Variants in CRACR2A observed in about 807,000 individuals in gnomAD.
CRACR2A encodes the protein EF-hand calcium-binding domain-containing protein 4B.
A neutral mutation model predicts 90.5 loss-of-function variants in CRACR2A; 79 were observed. That is an observed-to-expected ratio of 0.87 (90% CI 0.73 to 1.05). The LOEUF (loss-of-function observed/expected upper bound fraction) is 1.05. Ranked by LOEUF, CRACR2A falls within the 50% of genes least tolerant of loss-of-function variation. The pLI, the probability that CRACR2A is intolerant of heterozygous loss-of-function variation, is 0.00. For synonymous variants in CRACR2A, 338 were observed against 356.7 expected (o/e 0.95, Z 0.59); for missense variants, 823 against 897.2 (o/e 0.92, Z 1.06).
chr12:3,707,785 G>A (rs1244873225), intron 3 of CRACR2A, among the ~76,000 whole-genome samples: 1 of 152,206 alleles, frequency 6.6e-6, no homozygotes, highest in African/African-American at 2.4e-5. Flanking sequence ...GGAAGAGAGA[G>A]ATGTAATAAT....
chr12:3,670,176 G>A (rs1196422101), intron 7 of CRACR2A, among the ~76,000 whole-genome samples: 2 of 152,192 alleles, frequency 1.3e-5, no homozygotes, highest in Admixed American at 1.3e-4. Context: ...CACACAGACT[G>A]TGTTCCGCCT....
chr12:3,680,409 T>C, intron 4 of CRACR2A, 60 bp from the exon 5 acceptor site: 1 of 1,450,754 alleles, frequency 6.9e-7, no homozygotes, highest in Non-Finnish European at 9.7e-7. Flanking sequence ...GGAGGTGACC[T>C]GGGACTGCAG....
intron 3 of CRACR2A, among the ~76,000 whole-genome samples, chr12:3,712,767 T>C (rs1946025223): frequency 6.6e-6 from 1 of 152,154 alleles, no homozygotes; most frequent in Non-Finnish European, 1.5e-5. Context: ...ACAGTGATGC[T>C]GTACACCAAA....
chr12:3,700,806 A>T (rs1380234768), intron 3 of CRACR2A, among the ~76,000 whole-genome samples: 1 of 152,212 alleles, frequency 6.6e-6, no homozygotes. Context: ...TTATAAAACA[A>T]GTAGACAGAA....
Position 3,678,986 on chromosome 12 carries a change from G to A in CRACR2A, c.453C>T (p.Asp151=). The A allele has an allele frequency of 1.2e-6, 2 of 1,614,052 alleles. No homozygotes were observed. The highest frequency in any genetic ancestry group is 1.1e-5 in the South Asian group (1 of 91,056). Residue 151 remains aspartate, a synonymous_variant, in exon 6 of 20, where the codon GAC becomes GAT. Transcript: ENST00000440314. ...YLSRGDEDLG[D]MGEDEEAQFR... ...ACTGGGCTTCCTCATCTTCGCCCAT[G>A]TCGCCCAGATCCTCATCCCCTCTGG...
At chr12:3,616,015 T>G (rs1254727277) in intron 19 of CRACR2A, among the ~76,000 whole-genome samples, 2 of 152,230 alleles carry the variant, frequency 1.3e-5, no homozygotes, top group Non-Finnish European at 2.9e-5. Flanking sequence ...TTCCAAACGC[T>G]TTTGCGTTAC....
At chr12:3,682,115 A>G (rs1945466350) in intron 4 of CRACR2A, among the ~76,000 whole-genome samples, 1 of 152,252 alleles carries the variant, frequency 6.6e-6, no homozygotes. Context: ...ATTGGAAATA[A>G]GAAGCATCAC....
intron 3 of CRACR2A, among the ~76,000 whole-genome samples, chr12:3,701,453 C>A (rs1945832552): frequency 6.6e-6 from 1 of 152,062 alleles, no homozygotes; most frequent in African/African-American, 2.4e-5. Context: ...AGAGACAAGA[C>A]ACAAATTACA....
At chr12:3,723,325 C>T (rs1409006140) in intron 2 of CRACR2A, among the ~76,000 whole-genome samples, 7 of 152,144 alleles carry the variant, frequency 4.6e-5, no homozygotes, top group Non-Finnish European at 1.0e-4. Flanking sequence ...GGTGCTTGCT[C>T]TCTGGAGGAC....
rs995136982 is a variant in CRACR2A, at chr12:3,746,070, C to A, written c.-387+6945G>T. On this transcript the variant is annotated intron_variant, in intron 1 of 19. Coordinates refer to ENST00000440314, the MANE Select transcript of CRACR2A (RefSeq NM_001144958.2). This position sits in a 1 kb window ranked among gnomAD's most constrained non-coding sequence, Gnocchi z 4.4. The stretch of plus-strand genomic sequence containing the variant: ...TGCTGTAAATGCTTCCCAGCCTGGG[C>A]TGTACTTCTAGGTGCAGCTCAAATC... Among the ~76,000 whole-genome samples the A allele has an allele frequency of 8.5e-5, 13 of 152,170 alleles. No homozygotes were observed. Among genetic ancestry groups the A allele is most frequent in the Admixed American group, 5.2e-4 (8 of 15,276 alleles).
intron 10 of CRACR2A, among the ~76,000 whole-genome samples, chr12:3,649,230 CAAT>C (rs1944751800): frequency 8.0e-6 from 1 of 125,270 alleles, no homozygotes; most frequent in Non-Finnish European, 1.6e-5. Context: ...TAAAGTATAA[CAAT>C]AATAAGATAA....
At chr12:3,661,476 C>A (rs1336867749) in intron 7 of CRACR2A, among the ~76,000 whole-genome samples, 1 of 152,222 alleles carries the variant, frequency 6.6e-6, no homozygotes, top group African/African-American at 2.4e-5. Flanking sequence ...ATGGATACGT[C>A]CTGCATCCCT....
intron 2 of CRACR2A, among the ~76,000 whole-genome samples, chr12:3,720,419 G>GAA (rs1235394435): frequency 1.6e-4 from 12 of 74,420 alleles, no homozygotes; most frequent in African/African-American, 6.3e-4. Flanking sequence ...GAGAGAGGAA[G>GAA]AAAGAAAGAA....
At chr12:3,638,531 T>C (rs1225634062) in intron 13 of CRACR2A, 77 bp from the exon 14 acceptor site, 1 of 1,428,846 alleles carries the variant, frequency 7.0e-7, no homozygotes, top group Non-Finnish European at 9.3e-7. Context: ...ACAGCTTTTG[T>C]GACGAACAGA....
At chr12:3,676,256 A>G (rs896144518) in intron 6 of CRACR2A, among the ~76,000 whole-genome samples, 2 of 152,192 alleles carry the variant, frequency 1.3e-5, no homozygotes, top group African/African-American at 4.8e-5. Context: ...TCTCAGAATG[A>G]GTTCCATTCC....
chr12:3,624,234 C>G (rs745789563), intron 17 of CRACR2A, among the ~76,000 whole-genome samples: 5 of 152,190 alleles, frequency 3.3e-5, no homozygotes, highest in Admixed American at 1.3e-4. Context: ...GAACAGCTGG[C>G]CACCATTCAC....
chr12:3,616,809 C>T (rs989530248), intron 19 of CRACR2A, 145 bp downstream of exon 19: 6 of 625,610 alleles, frequency 9.6e-6, no homozygotes, highest in Middle Eastern at 2.7e-4. Context: ...CCCAGGACCC[C>T]GTTGCCTATA....
intron 12 of CRACR2A, among the ~76,000 whole-genome samples, chr12:3,642,500 C>G (rs11062749): frequency 0.43 from 65,682 of 152,098 alleles, 14,647 homozygotes; most frequent in Admixed American, 0.56. Context: ...CAGGAGTGAG[C>G]CACCACGCCT....
At chr12:3,623,282 G>C (rs374970560) in intron 17 of CRACR2A, among the ~76,000 whole-genome samples, 1 of 152,020 alleles carries the variant, frequency 6.6e-6, no homozygotes, top group African/African-American at 2.4e-5. Flanking sequence ...TAATCTCCAC[G>C]TTTTTTTCCA....
Sources: gnomAD v4.1 joint callset for allele counts (sites outside exome capture counted in the v4.1 genomes callset) on GRCh38, gnomAD v4.1.1 for gene constraint, Gnocchi (gnomAD v3.1) non-coding constraint, MANE v1.5 for transcripts, NCBI Gene and HGNC (gene_info 2026-07-23, HGNC 2026-07-21) for gene names.